Variants in KIF1B observed in about 807,000 individuals in gnomAD.
KIF1B encodes the protein kinesin family member 1B, also known as kinesin-like protein KIF1B.
A neutral mutation model predicts 241.9 loss-of-function variants in KIF1B; 76 were observed. The observed-to-expected ratio is 0.31, with a 90% CI of 0.26 to 0.38. KIF1B has a LOEUF of 0.38. Ranked by LOEUF, KIF1B falls within the 10% of genes least tolerant of loss-of-function variation. The pLI is 1.00. For synonymous variants in KIF1B, 750 were observed against 796.7 expected (o/e 0.94, Z 0.99); for missense variants, 1,622 against 2,271.4 (o/e 0.71, Z 5.81).
intron 36 of KIF1B, among the ~76,000 whole-genome samples, 173 bp from the exon 37 acceptor site, chr1:10,348,476 G>A (rs1652667872): frequency 6.6e-6 from 1 of 152,176 alleles, no homozygotes; most frequent in Non-Finnish European, 1.5e-5. Context: ...CTGTTCCTTA[G>A]TCCCTGACAC....
At chr1:10,291,487 G>A (rs1271381863) in intron 16 of KIF1B, among the ~76,000 whole-genome samples, 1 of 152,132 alleles carries the variant, frequency 6.6e-6, no homozygotes, top group Non-Finnish European at 1.5e-5. Flanking sequence ...GAGGTGGGCA[G>A]ATCACGAGGT....
intron 44 of KIF1B, among the ~76,000 whole-genome samples, chr1:10,369,757 A>ACC (rs1285059516): frequency 6.6e-6 from 1 of 151,664 alleles, no homozygotes; most frequent in African/African-American, 2.4e-5. Flanking sequence ...ACATGGAGAA[A>ACC]CCCCATCTCT....
In KIF1B at chr1:10,210,772, G is replaced by C. The variant is rs914952888; in HGVS notation, c.-186G>C. 6.7e-6 allele frequency: 1 copy of C among 149,624 alleles called. No homozygotes were observed. Among genetic ancestry groups the C allele is most frequent in the African/African-American group, 2.4e-5 (1 of 41,172 alleles). 9.3% of individuals were successfully genotyped at this position (149,624 alleles called of 1,614,324 possible). On this transcript the variant is annotated 5_prime_UTR_variant, in exon 1 of 49. Transcript: ENST00000676179. The surrounding 1 kb of genome is among the most constrained non-coding windows in gnomAD (Gnocchi z 4.1). ...TGCGGAGCGGCGCCCTGCGGCTCGC[G>C]GCGGCCGCTGCTCGCGCTGAGGTGC...
chr1:10,314,437 T>A (rs1651213652), intron 22 of KIF1B, among the ~76,000 whole-genome samples: 1 of 151,350 alleles, frequency 6.6e-6, no homozygotes, highest in African/African-American at 2.5e-5. Flanking sequence ...TTGTTGTTTT[T>A]GAGATGGGGT....
intron 1 of KIF1B, among the ~76,000 whole-genome samples, chr1:10,218,825 A>G (rs1203353740): frequency 6.6e-6 from 1 of 152,220 alleles, no homozygotes; most frequent in Non-Finnish European, 1.5e-5. Flanking sequence ...AAATAGCAGA[A>G]TAGGCTATTA....
intron 44 of KIF1B, among the ~76,000 whole-genome samples, chr1:10,370,593 T>TAAGAAGAAG (rs70997223): frequency 3.3e-4 from 47 of 141,372 alleles, no homozygotes; most frequent in African/African-American, 1.2e-3. Flanking sequence ...ATAATAATAA[T>TAAGAAGAAG]AAGAAGAAGA....
At chr1:10,321,937 A>G in intron 24 of KIF1B, 80 bp downstream of exon 24, 3 of 1,525,790 alleles carry the variant, frequency 2.0e-6, no homozygotes, top group South Asian at 1.1e-5. Context: ...ACCTTGAATT[A>G]ACCTTTCCTT....
intron 27 of KIF1B, among the ~76,000 whole-genome samples, chr1:10,329,110 A>G (rs987843242): frequency 1.3e-5 from 2 of 152,154 alleles, no homozygotes; most frequent in East Asian, 1.9e-4. Context: ...AATCAACTCT[A>G]TTTTGATTTT....
chr1:10,333,371 A>T (rs1652031569), intron 27 of KIF1B, among the ~76,000 whole-genome samples: 1 of 148,174 alleles, frequency 6.7e-6, no homozygotes, highest in Non-Finnish European at 1.5e-5. Flanking sequence ...ACTCCATCTC[A>T]AAATAAATAA....
At chr1:10,243,391 C>T (rs1647165198) in intron 2 of KIF1B, among the ~76,000 whole-genome samples, 1 of 152,194 alleles carries the variant, frequency 6.6e-6, no homozygotes, top group African/African-American at 2.4e-5. Context: ...TGCACTCCAG[C>T]CTGGGTGACA....
chr1:10,256,873 A>G (rs1164215480), intron 3 of KIF1B, among the ~76,000 whole-genome samples: 4 of 151,796 alleles, frequency 2.6e-5, no homozygotes, highest in Non-Finnish European at 5.9e-5. Flanking sequence ...CACTATGCCC[A>G]GCTAATTTTT....
chr1:10,255,791 G>GT (rs899198119), intron 2 of KIF1B, among the ~76,000 whole-genome samples: 11 of 151,070 alleles, frequency 7.3e-5, no homozygotes, highest in African/African-American at 2.7e-4. Context: ...AACTATGATT[G>GT]TTTTCATTCA....
chr1:10,305,726 C>G (rs557721039), intron 22 of KIF1B: 1 of 1,057,274 alleles, frequency 9.5e-7, no homozygotes, highest in South Asian at 4.6e-5. Context: ...TTTATTGTAT[C>G]AATACCTCAT....
chr1:10,311,150 G>T (rs1651048378), intron 22 of KIF1B, among the ~76,000 whole-genome samples: 1 of 150,724 alleles, frequency 6.6e-6, no homozygotes, highest in Non-Finnish European at 1.5e-5. Flanking sequence ...CTGCCAGCAT[G>T]CAAACATGTC....
chr1:10,221,841 T>C (rs1033186973), intron 1 of KIF1B, among the ~76,000 whole-genome samples: 2 of 152,080 alleles, frequency 1.3e-5, no homozygotes, highest in Non-Finnish European at 2.9e-5. Context: ...ATTTAGACAG[T>C]GTCTTGCTCT....
At chr1:10,261,247 C>T (rs1187907822) in intron 4 of KIF1B, among the ~76,000 whole-genome samples, 3 of 150,006 alleles carry the variant, frequency 2.0e-5, no homozygotes, top group African/African-American at 7.4e-5. Context: ...GATTTACAGG[C>T]GTGAGCCACT....
intron 15 of KIF1B, among the ~76,000 whole-genome samples, chr1:10,287,666 C>T (rs1370326111): frequency 2.0e-5 from 3 of 152,252 alleles, no homozygotes; most frequent in Admixed American, 6.5e-5. Flanking sequence ...TTCTGATTTA[C>T]CCTTCAGTTG....
chr1:10,265,634 C>T (rs1374628819), intron 5 of KIF1B, among the ~76,000 whole-genome samples: 1 of 152,094 alleles, frequency 6.6e-6, no homozygotes, highest in East Asian at 1.9e-4. Flanking sequence ...TGCTTGAGCC[C>T]AGGAGTTCAA....
At chr1:10,333,217 G>C (rs957921376) in intron 27 of KIF1B, among the ~76,000 whole-genome samples, 2 of 144,274 alleles carry the variant, frequency 1.4e-5, no homozygotes, top group African/African-American at 2.6e-5. Context: ...CCTGAGGTCA[G>C]GAGTTTGAAA....
Sources: gnomAD v4.1 joint callset for allele counts (sites outside exome capture counted in the v4.1 genomes callset) on GRCh38, gnomAD v4.1.1 for gene constraint, Gnocchi (gnomAD v3.1) non-coding constraint, MANE v1.5 for transcripts, NCBI Gene and HGNC (gene_info 2026-07-23, HGNC 2026-07-21) for gene names.